Variants in CACHD1 observed in about 807,000 individuals in gnomAD.
CACHD1 encodes the protein VWFA and cache domain-containing protein 1.
CACHD1 carries 71 observed loss-of-function variants against 138.7 expected under a neutral mutation model. The observed-to-expected ratio is 0.51, with a 90% CI of 0.42 to 0.62. The LOEUF (loss-of-function observed/expected upper bound fraction) is 0.62, where lower values mean the gene tolerates loss of function less well. Among genes scored for constraint, CACHD1 ranks in the 20% least tolerant of loss-of-function variants. The probability of loss-of-function intolerance (pLI) is 0.00; values close to 1 mark genes in which losing one functional copy is unlikely to be tolerated. For synonymous variants in CACHD1, 578 were observed against 591.5 expected (o/e 0.98, Z 0.33); for missense variants, 1,389 against 1,625.3 (o/e 0.85, Z 2.50).
In CACHD1 at chr1:64,659,329, A is replaced by T. The variant is rs1649368168; in HGVS notation, c.1951+456A>T. Among the ~76,000 whole-genome samples, 6 of 152,130 alleles carry T rather than the reference A, an allele frequency of 3.9e-5. No individual in the cohort carries two copies. The South Asian group carries it at 1.2e-3, about 32-fold the overall frequency. On this transcript the variant is annotated intron_variant, in intron 13 of 26. Coordinates refer to ENST00000651257, the MANE Select transcript of CACHD1 (RefSeq NM_020925.4). Reference sequence around the variant, plus strand: ...CAGAGTTTTCAGTAGCCCTAAGTCCATAGAGAGAGGCACAGATACAGCCCA... The same window carrying T: ...CAGAGTTTTCAGTAGCCCTAAGTCCTTAGAGAGAGGCACAGATACAGCCCA...
intron 6 of CACHD1, among the ~76,000 whole-genome samples, chr1:64,633,541 G>A (rs1471123976): frequency 1.3e-5 from 2 of 152,128 alleles, no homozygotes; most frequent in African/African-American, 4.8e-5. Flanking sequence ...GCCGCTAGTG[G>A]CTGACTAATC....
At chr1:64,663,574 G>T in intron 13 of CACHD1, 121 bp from the exon 14 acceptor site, 3 of 1,217,988 alleles carry the variant, frequency 2.5e-6, no homozygotes, top group Non-Finnish European at 3.4e-6. Context: ...AAGAAAAAAA[G>T]GAAAAAAAAA....
At chr1:64,551,874 A>G (rs1367920383) in intron 2 of CACHD1, among the ~76,000 whole-genome samples, 1 of 152,156 alleles carries the variant, frequency 6.6e-6, no homozygotes, top group Admixed American at 6.5e-5. Flanking sequence ...TATTTATTGT[A>G]GTAAATAGGA....
intron 1 of CACHD1, among the ~76,000 whole-genome samples, chr1:64,534,965 G>A (rs1257323667): frequency 6.6e-6 from 1 of 152,180 alleles, no homozygotes; most frequent in African/African-American, 2.4e-5. Flanking sequence ...GCTTTGTCAT[G>A]CATTCTGCCA....
chr1:64,509,292 A>G (rs1394854194), intron 1 of CACHD1, among the ~76,000 whole-genome samples: 6 of 152,036 alleles, frequency 3.9e-5, no homozygotes, highest in Non-Finnish European at 7.4e-5. Flanking sequence ...TGGAGTTTTC[A>G]TTTTTTAGAG....
chr1:64,674,914 A>G (rs1196644903), intron 19 of CACHD1, among the ~76,000 whole-genome samples: 2 of 152,228 alleles, frequency 1.3e-5, no homozygotes, highest in African/African-American at 4.8e-5. Context: ...AGAAGCAGAA[A>G]TTTGCCTGTT....
chr1:64,614,625 G>A (rs1242315464), intron 4 of CACHD1, among the ~76,000 whole-genome samples: 1 of 152,022 alleles, frequency 6.6e-6, no homozygotes, highest in Non-Finnish European at 1.5e-5. Context: ...GCATCTGCCT[G>A]TGTGTTGCTC....
At chr1:64,613,374 AT>A (rs1404334549) in intron 4 of CACHD1, 2 of 89,368 alleles carry the variant, frequency 2.2e-5, no homozygotes, top group Non-Finnish European at 4.3e-5. Context: ...ATATAAAAAA[AT>A]AAAAATATAA....
intron 10 of CACHD1, 26 bp downstream of exon 10, chr1:64,652,336 G>T: frequency 4.5e-6 from 7 of 1,569,300 alleles, no homozygotes; most frequent in Non-Finnish European, 6.0e-6. Context: ...TTCATCCTAA[G>T]AATACTTTTT....
chr1:64,472,673 A>T (rs1646152631), intron 1 of CACHD1, among the ~76,000 whole-genome samples: 1 of 152,208 alleles, frequency 6.6e-6, no homozygotes, highest in Admixed American at 6.5e-5. Context: ...GAAAACTAGG[A>T]TTAAAAAAAC....
chr1:64,688,885 C>T (rs1650450659), intron 26 of CACHD1, among the ~76,000 whole-genome samples: 2 of 152,170 alleles, frequency 1.3e-5, no homozygotes, highest in South Asian at 4.1e-4. Context: ...CTGTCTTTAC[C>T]TACTTAGCCC....
At chr1:64,603,815 C>T (rs1442546206) in intron 4 of CACHD1, among the ~76,000 whole-genome samples, 1 of 152,202 alleles carries the variant, frequency 6.6e-6, no homozygotes, top group Non-Finnish European at 1.5e-5. Context: ...CTCCATATTT[C>T]TCTTTCTTTT....
chr1:64,604,614 A>G (rs888724209), intron 4 of CACHD1, among the ~76,000 whole-genome samples: 4 of 152,198 alleles, frequency 2.6e-5, no homozygotes, highest in Admixed American at 6.5e-5. Context: ...CCAACATTGT[A>G]TGTAGTTAAA....
intron 1 of CACHD1, among the ~76,000 whole-genome samples, chr1:64,544,363 C>T (rs544955520): frequency 4.6e-5 from 7 of 152,232 alleles, no homozygotes; most frequent in South Asian, 2.1e-4. Flanking sequence ...TTGTTGGTGG[C>T]GTGAAGGTTG....
intron 1 of CACHD1, among the ~76,000 whole-genome samples, chr1:64,502,890 C>G (rs1249845508): frequency 1.3e-5 from 2 of 152,156 alleles, no homozygotes; most frequent in Non-Finnish European, 2.9e-5. Context: ...TTCATTGCAT[C>G]GAAGTATTTT....
At chr1:64,471,312 G>A (rs1417613332) in intron 1 of CACHD1, among the ~76,000 whole-genome samples, 2 of 152,126 alleles carry the variant, frequency 1.3e-5, no homozygotes, top group Non-Finnish European at 2.9e-5. Context: ...ACCCTGCCAC[G>A]CCTGCAAACT....
At chr1:64,636,006 G>A (rs966325527) in intron 7 of CACHD1, among the ~76,000 whole-genome samples, 4 of 151,746 alleles carry the variant, frequency 2.6e-5, no homozygotes, top group African/African-American at 9.7e-5. Flanking sequence ...AGCTACTCAG[G>A]AGGCTGAGGC....
At chr1:64,546,233 C>T (rs1646717179) in intron 1 of CACHD1, among the ~76,000 whole-genome samples, 1 of 152,146 alleles carries the variant, frequency 6.6e-6, no homozygotes, top group South Asian at 2.1e-4. Context: ...GAATGCTCAC[C>T]CTGCCTACCC....
chr1:64,606,184 A>G (rs1313051562), intron 4 of CACHD1, among the ~76,000 whole-genome samples: 2 of 152,002 alleles, frequency 1.3e-5, no homozygotes, highest in Non-Finnish European at 2.9e-5. Context: ...GGAGACATAG[A>G]AACAAGTGAT....
Sources: allele counts gnomAD v4.1 joint callset (sites outside exome capture counted in the v4.1 genomes callset), GRCh38; gene constraint gnomAD v4.1.1; transcripts MANE v1.5; gene names NCBI Gene and HGNC (gene_info 2026-07-23, HGNC 2026-07-21).